SLC35F4: variants seen among roughly 807,000 people sequenced by gnomAD.
SLC35F4 encodes chromosome 14 open reading frame 36.
Under a neutral mutation model 44.2 loss-of-function variants are expected in SLC35F4, and 24 were observed. The ratio of observed to expected loss-of-function variants is 0.54; its 90% CI spans 0.39 to 0.76. SLC35F4 has a LOEUF of 0.76. Ranked by LOEUF, SLC35F4 falls within the 30% of genes least tolerant of loss-of-function variation. The pLI, the probability that SLC35F4 is intolerant of heterozygous loss-of-function variation, is 0.00. For missense variants in SLC35F4, 562 were observed against 586.1 expected, an observed-to-expected ratio of 0.96 and a Z score of 0.42; for synonymous variants, 238 against 223.6, an observed-to-expected ratio of 1.06 and a Z score of -0.57.
upstream of SLC35F4, among the ~76,000 whole-genome samples, chr14:57,867,605 C>G (rs556063450): frequency 1.3e-5 from 2 of 151,100 alleles, no homozygotes; most frequent in South Asian, 4.2e-4. Context: ...CCTTTACACC[C>G]CCCCCCACGT....
chr14:57,797,155 T>C (rs1595086620), intron 1 of SLC35F4, among the ~76,000 whole-genome samples: 2 of 152,192 alleles, frequency 1.3e-5, no homozygotes, highest in Admixed American at 6.5e-5. Context: ...CTCAGTAACC[T>C]TGACATTCAG....
At chr14:57,735,112 T>C (rs2076431303) in intron 1 of SLC35F4, among the ~76,000 whole-genome samples, 1 of 152,214 alleles carries the variant, frequency 6.6e-6, no homozygotes, top group Non-Finnish European at 1.5e-5. Context: ...ATGAGGCATT[T>C]GAGAGTCTCT....
chr14:57,586,182 C>T (rs1175102464), intron 3 of SLC35F4, among the ~76,000 whole-genome samples: 2 of 152,186 alleles, frequency 1.3e-5, no homozygotes, highest in Non-Finnish European at 2.9e-5. Context: ...CACACATCTA[C>T]AACCATCTAG....
chr14:57,645,505 C>G (rs61112176), intron 1 of SLC35F4, among the ~76,000 whole-genome samples: 1 of 152,026 alleles, frequency 6.6e-6, no homozygotes, highest in African/African-American at 2.4e-5. Context: ...TGCTTATCAG[C>G]TTAAGGAGAT....
chr14:57,968,050 A>G (rs892220085), intron 1 of SLC35F4, among the ~76,000 whole-genome samples: 4 of 152,198 alleles, frequency 2.6e-5, no homozygotes, highest in African/African-American at 9.6e-5. Context: ...CCTTGAGATC[A>G]TGAATACTTG....
chr14:57,808,128 G>A (rs1189363161), intron 1 of SLC35F4, among the ~76,000 whole-genome samples: 1 of 151,816 alleles, frequency 6.6e-6, no homozygotes, highest in Non-Finnish European at 1.5e-5. Context: ...GAGTTGGGTG[G>A]TGACACAGCC....
In SLC35F4 at chr14:57,583,011, A is replaced by C. The variant is rs551167725; in HGVS notation, c.588-1578T>G. 7.9e-5 allele frequency among the ~76,000 whole-genome samples: 12 copies of C among 152,372 alleles called. No homozygotes were observed. In the South Asian group the frequency reaches 2.5e-3, roughly 32 times the overall value. ...TTAAAGACATGTGTTGCACACACAG[A>C]AACTTGTATTGAAATTTGTTTACTT... On this transcript the variant is annotated intron_variant, in intron 3 of 7. Transcript: ENST00000556826.
intron 1 of SLC35F4, among the ~76,000 whole-genome samples, chr14:57,640,407 A>T (rs749086427): frequency 6.6e-6 from 1 of 152,088 alleles, no homozygotes; most frequent in Non-Finnish European, 1.5e-5. Flanking sequence ...TCAAGCCAAG[A>T]GAACACATGA....
At position 57,589,628 on chromosome 14, in the gene SLC35F4, C is replaced by T; in HGVS notation, c.290-115G>A. On this transcript the variant is annotated intron_variant, in intron 2 of 7. Coordinates refer to ENST00000556826, the MANE Select transcript of SLC35F4 (RefSeq NM_001306087.2). ...CCAAAGAGGCAGACAGTAGAATTAC[C>T]AGTGTTTTTCTTTTCTACCATCATT... 3 of 1,115,572 alleles carry T rather than the reference C, an allele frequency of 2.7e-6. No individual in the cohort carries two copies. The South Asian group carries it at 5.1e-5, about 19-fold the overall frequency. 69.1% of individuals were successfully genotyped at this position (1,115,572 alleles called of 1,614,324 possible).
intron 1 of SLC35F4, among the ~76,000 whole-genome samples, chr14:57,898,533 CAGACCCATGAAAACATCTTGTCTCTTCTA>C (rs1309164481): frequency 2.6e-5 from 4 of 152,304 alleles, no homozygotes; most frequent in African/African-American, 9.6e-5. Context: ...ATGCAGGAAG[CAGACCCATGAAAACATCTTGTCTCTTCTA>C]ATATATAGGC....
upstream of SLC35F4, among the ~76,000 whole-genome samples, chr14:57,868,478 ATTTTT>A (rs35866620): frequency 6.9e-6 from 1 of 145,820 alleles, no homozygotes; most frequent in Non-Finnish European, 1.5e-5. Context: ...AGAAAGGATA[ATTTTT>A]TTTTTTTTTT....
intron 1 of SLC35F4, among the ~76,000 whole-genome samples, chr14:57,740,417 A>T (rs2076576104): frequency 6.6e-6 from 1 of 152,178 alleles, no homozygotes; most frequent in Non-Finnish European, 1.5e-5. Context: ...TGGAACTCTT[A>T]AGGTACTTAA....
chr14:57,642,213 C>T (rs753785679), intron 1 of SLC35F4, among the ~76,000 whole-genome samples: 31 of 151,838 alleles, frequency 2.0e-4, no homozygotes, highest in Non-Finnish European at 3.2e-4. Context: ...TCCTAATTAA[C>T]CGTGGTTGCA....
intron 1 of SLC35F4, among the ~76,000 whole-genome samples, chr14:57,738,135 A>G (rs554830890): frequency 1.3e-5 from 2 of 152,308 alleles, no homozygotes; most frequent in Admixed American, 6.5e-5. Context: ...GTACATCTCT[A>G]TCTCAGAGAT....
chr14:57,761,396 G>A (rs1300287770), intron 1 of SLC35F4, among the ~76,000 whole-genome samples: 3 of 151,964 alleles, frequency 2.0e-5, no homozygotes, highest in Non-Finnish European at 4.4e-5. Context: ...GAAATGTAAA[G>A]GGATAAAGAA....
At position 57,644,461 on chromosome 14, in the gene SLC35F4, G is replaced by GA. The variant is rs1555365488; in HGVS notation, c.104-50338_104-50337insT. On this transcript the variant is annotated intron_variant, in intron 1 of 7. Coordinates refer to ENST00000556826, the MANE Select transcript of SLC35F4 (RefSeq NM_001306087.2). ...ATATCCTTTGCCCACTTTTTGATGG[G>GA]TTTTTTTTTTCCTTGTAAATTTGTT... 2.7e-3 allele frequency among the ~76,000 whole-genome samples: 398 copies of GA among 148,604 alleles called. 1 individual carries two copies. The highest frequency in any genetic ancestry group is 9.5e-3 in the African/African-American group (388 of 40,696).
intron 1 of SLC35F4, among the ~76,000 whole-genome samples, chr14:57,851,474 T>C: frequency 6.6e-6 from 1 of 152,218 alleles, no homozygotes; most frequent in East Asian, 1.9e-4. Flanking sequence ...TAGAAACCAC[T>C]GTTATACACT....
chr14:57,821,480 A>G (rs980513608), intron 1 of SLC35F4, among the ~76,000 whole-genome samples: 1 of 152,234 alleles, frequency 6.6e-6, no homozygotes, highest in Non-Finnish European at 1.5e-5. Flanking sequence ...GTGCGCATGC[A>G]GTATACAAAC....
intron 1 of SLC35F4, among the ~76,000 whole-genome samples, chr14:57,745,235 G>A (rs1027596089): frequency 2.0e-5 from 3 of 152,180 alleles, no homozygotes; most frequent in African/African-American, 4.8e-5. Flanking sequence ...TGACAAATGG[G>A]ATCTAATGAA....
Sources: allele counts gnomAD v4.1 joint callset (sites outside exome capture counted in the v4.1 genomes callset), GRCh38; gene constraint gnomAD v4.1.1; transcripts MANE v1.5; gene names NCBI Gene and HGNC (gene_info 2026-07-23, HGNC 2026-07-21).